ALKBH8: variants seen among roughly 807,000 people sequenced by gnomAD.
ALKBH8 encodes the protein tRNA (carboxymethyluridine(34)-5-O)-methyltransferase ALKBH8.
ALKBH8 carries 36 observed loss-of-function variants against 59.8 expected under a neutral mutation model. The ratio of observed to expected loss-of-function variants is 0.60; its 90% CI spans 0.46 to 0.79. ALKBH8 has a LOEUF of 0.79. ALKBH8 is among the 30% of genes least tolerant of loss of function. ALKBH8 has a pLI of 0.00. For missense variants in ALKBH8, 768 were observed against 801.0 expected (o/e 0.96, Z 0.50); for synonymous variants, 276 against 273.6 (o/e 1.01, Z -0.09).
At chr11:107,561,284 A>T (rs1238610258) in intron 1 of ALKBH8, among the ~76,000 whole-genome samples, 1 of 152,126 alleles carries the variant, frequency 6.6e-6, no homozygotes, top group Non-Finnish European at 1.5e-5. Flanking sequence ...GAAATAACAC[A>T]CAAAAAATTA....
chr11:107,560,724 A>G (rs1158566077), intron 2 of ALKBH8, 41 bp downstream of exon 2: 6 of 1,549,534 alleles, frequency 3.9e-6, no homozygotes, highest in East Asian at 2.3e-5. Flanking sequence ...TTAACATGTC[A>G]GTACATTTAC....
chr11:107,563,717 A>G (rs929696825), intron 1 of ALKBH8: 19 of 152,220 alleles, frequency 1.2e-4, no homozygotes, highest in African/African-American at 4.1e-4. Flanking sequence ...AGAATTTTTA[A>G]TATTTCACAT....
At position 107,551,872 on chromosome 11, in the gene ALKBH8, C is replaced by G; in HGVS notation, c.636G>C (p.Leu212Phe). 1 of 1,551,870 alleles carries G rather than the reference C, an allele frequency of 6.4e-7. No homozygotes were observed. Residue 212 changes from leucine (L) to phenylalanine (F), a missense_variant, in exon 6 of 12, where the codon TTG becomes TTC. By Grantham distance (22) the Leu-to-Phe change is conservative. Transcript: ENST00000428149. ...DICESFLEKWLRKGYIKHKPD... is the reference protein window; with the variant it reads ...DICESFLEKWFRKGYIKHKPD... ...GTTTATGTTTAATGTAACCTTTCCT[C>G]AACCATTTCTCCAAAAAGCTTTCAC...
chr11:107,550,673 T>A (rs1357307375), intron 6 of ALKBH8, among the ~76,000 whole-genome samples: 1 of 152,160 alleles, frequency 6.6e-6, no homozygotes, highest in Admixed American at 6.5e-5. Flanking sequence ...AAGCCATCAG[T>A]TTTCATTATA....
At chr11:107,538,202 G>C (rs551540850) in intron 7 of ALKBH8, among the ~76,000 whole-genome samples, 1 of 148,302 alleles carries the variant, frequency 6.7e-6, no homozygotes, top group African/African-American at 2.5e-5. Flanking sequence ...ACTTATTTTG[G>C]CATATAATTT....
At chr11:107,527,325 C>T (rs185178239) in intron 8 of ALKBH8, among the ~76,000 whole-genome samples, 2 of 151,844 alleles carry the variant, frequency 1.3e-5, no homozygotes, top group African/African-American at 4.8e-5. Context: ...ATGTGCTAAT[C>T]CTGAAGGATC....
intron 9 of ALKBH8, 24 bp from the exon 10 acceptor site, chr11:107,522,579 C>T (rs1203994447): frequency 1.3e-6 from 2 of 1,538,170 alleles, no homozygotes; most frequent in Non-Finnish European, 1.8e-6. Flanking sequence ...CAATACACAC[C>T]TTTCCTTTTT....
chr11:107,513,291 GA>G (rs1279343164), intron 10 of ALKBH8, among the ~76,000 whole-genome samples: 2 of 152,124 alleles, frequency 1.3e-5, no homozygotes, highest in Admixed American at 1.3e-4. Context: ...ACAAGCATAT[GA>G]AAAAAGCTCA....
chr11:107,554,719 A>C (rs1864633833), intron 3 of ALKBH8, among the ~76,000 whole-genome samples: 1 of 152,232 alleles, frequency 6.6e-6, no homozygotes, highest in South Asian at 2.1e-4. Flanking sequence ...TATTAATAAC[A>C]TTTCAGAAAC....
At chr11:107,516,501 A>G (rs1360944855) in intron 10 of ALKBH8, among the ~76,000 whole-genome samples, 5 of 152,216 alleles carry the variant, frequency 3.3e-5, no homozygotes, top group African/African-American at 9.6e-5. Flanking sequence ...TTATGAAACT[A>G]CTAGAAGAAA....
intron 7 of ALKBH8, among the ~76,000 whole-genome samples, chr11:107,542,448 G>A (rs150350535): frequency 3.3e-5 from 5 of 152,256 alleles, no homozygotes; most frequent in African/African-American, 7.2e-5. Context: ...TGATGGATAT[G>A]TTCATTATCT....
intron 7 of ALKBH8, among the ~76,000 whole-genome samples, chr11:107,538,925 A>G (rs2135541441): frequency 6.6e-6 from 1 of 152,332 alleles, no homozygotes; most frequent in East Asian, 1.9e-4. Context: ...ATTCATAGAG[A>G]ATGATAAAAG....
chr11:107,525,570 T>C lies in ALKBH8; in HGVS notation c.901A>G (p.Thr301Ala). ...TTAAGACTCTCAGATGCTTGAACAGTATCAAATTTTCTGCACGTGATTCTA... is the reference window on the plus strand; with the variant it reads ...TTAAGACTCTCAGATGCTTGAACAGCATCAAATTTTCTGCACGTGATTCTA... Reference protein sequence around the residue: ...THGITCRKFDTVQASESLKSG... With the variant: ...THGITCRKFDAVQASESLKSG... Residue 301 changes from threonine to alanine, a missense_variant, in exon 9 of 12, where the codon ACT becomes GCT. Physicochemically the swap from Thr to Ala is moderately conservative, Grantham distance 58. Transcript: ENST00000428149. 1 of 1,435,930 alleles carries C rather than the reference T, an allele frequency of 7.0e-7. No homozygotes were observed. The highest frequency in any genetic ancestry group is 1.5e-5 in the South Asian group (1 of 66,152). The allele number at this position is 1,435,930 out of a possible 1,614,324, so 88.9% of individuals were successfully genotyped here.
At chr11:107,524,617 C>T (rs1221362271) in intron 9 of ALKBH8, among the ~76,000 whole-genome samples, 2 of 152,024 alleles carry the variant, frequency 1.3e-5, no homozygotes, top group East Asian at 3.8e-4. Flanking sequence ...TTTAAGGCTT[C>T]AAGGACACTT....
At chr11:107,530,491 A>G (rs1212555254) in intron 8 of ALKBH8, among the ~76,000 whole-genome samples, 9 of 151,808 alleles carry the variant, frequency 5.9e-5, no homozygotes, top group Admixed American at 3.3e-4. Flanking sequence ...TAAACATCTC[A>G]ATGATTGGTG....
intron 8 of ALKBH8, 69 bp from the exon 9 acceptor site, chr11:107,525,661 G>A (rs572256032): frequency 9.1e-7 from 1 of 1,096,314 alleles, no homozygotes; most frequent in Non-Finnish European, 1.2e-6. Flanking sequence ...CTTTAAAAAT[G>A]TTAAGTGAAT....
chr11:107,536,232 T>G (rs1182531187), intron 7 of ALKBH8, among the ~76,000 whole-genome samples: 1 of 152,256 alleles, frequency 6.6e-6, no homozygotes, highest in Non-Finnish European at 1.5e-5. Flanking sequence ...CTGGAGTCTC[T>G]CTGAACCTAT....
In ALKBH8 at chr11:107,551,464, C is replaced by T. The variant is rs1442039228; in HGVS notation, c.700+344G>A. On this transcript the variant is annotated intron_variant, in intron 6 of 11. Coordinates refer to ENST00000428149, the MANE Select transcript of ALKBH8 (RefSeq NM_138775.3). ...ATCCCAGCACTTTGGGAGGCTGAGG[C>T]GGGCAGATCACCTGAGGTCAGGAGT... is the stretch of plus-strand genomic sequence containing the variant. Among the ~76,000 whole-genome samples the T allele has an allele frequency of 9.2e-5, 14 of 151,956 alleles. 1 individual carries two copies. Among genetic ancestry groups the T allele is most frequent in the Admixed American group, 7.2e-4 (11 of 15,248 alleles).
chr11:107,544,859 ACAAAG>A, intron 7 of ALKBH8, among the ~76,000 whole-genome samples: 1 of 148,758 alleles, frequency 6.7e-6, no homozygotes, highest in East Asian at 2.0e-4. Context: ...ACACACACAC[ACAAAG>A]AAGGAGAAAT....
Sources: allele counts gnomAD v4.1 joint callset (sites outside exome capture counted in the v4.1 genomes callset), GRCh38; gene constraint gnomAD v4.1.1; transcripts MANE v1.5; gene names NCBI Gene and HGNC (gene_info 2026-07-23, HGNC 2026-07-21).